Variants in ARRB1 observed in about 807,000 individuals in gnomAD.
ARRB1 encodes the protein arrestin beta 1.
In ARRB1, 21 loss-of-function variants were observed where a neutral mutation model predicts 56.8. That is an observed-to-expected ratio of 0.37 (90% CI 0.26 to 0.53). The LOEUF is 0.53. Among genes scored for constraint, ARRB1 ranks in the 20% least tolerant of loss-of-function variants. The pLI, the probability that ARRB1 is intolerant of heterozygous loss-of-function variation, is 0.88. For missense variants in ARRB1, 424 were observed against 553.7 expected, an observed-to-expected ratio of 0.77 and a Z score of 2.35; for synonymous variants, 210 against 218.6, an observed-to-expected ratio of 0.96 and a Z score of 0.35.
chr11:75,283,157 G>T, intron 5 of ARRB1, 130 bp downstream of exon 5: 1 of 962,790 alleles, frequency 1.0e-6, no homozygotes, highest in Non-Finnish European at 1.5e-6. Flanking sequence ...CAGTGCCCCA[G>T]GTCCCAGCAT....
intron 14 of ARRB1, 59 bp downstream of exon 14, chr11:75,268,830 A>G (rs1946003675): frequency 6.4e-7 from 1 of 1,573,660 alleles, no homozygotes; most frequent in African/African-American, 1.4e-5. Flanking sequence ...GGTGGGTTAC[A>G]GGGTCACGTG....
chr11:75,310,353 C>T (rs903942312), intron 1 of ARRB1, among the ~76,000 whole-genome samples: 1 of 152,144 alleles, frequency 6.6e-6, no homozygotes, highest in African/African-American at 2.4e-5. Context: ...GCACTGGGAA[C>T]ACCAAGGGGA....
intron 6 of ARRB1, 74 bp downstream of exon 6, chr11:75,281,888 C>A: frequency 6.7e-7 from 1 of 1,500,536 alleles, no homozygotes; most frequent in East Asian, 2.3e-5. Context: ...CCAGCACCTC[C>A]CAGGGAGAAA....
chr11:75,312,202 G>T (rs772067250), intron 1 of ARRB1: 2 of 1,232,478 alleles, frequency 1.6e-6, no homozygotes, highest in Non-Finnish European at 2.1e-6. Flanking sequence ...CCCAGCAGCC[G>T]TCCCTAGGAA....
chr11:75,290,380 G>T (rs1946579774), intron 1 of ARRB1, among the ~76,000 whole-genome samples: 1 of 152,056 alleles, frequency 6.6e-6, no homozygotes, highest in Non-Finnish European at 1.5e-5. Context: ...TCACCTCCCG[G>T]TGTCACCTCC....
At chr11:75,318,540 A>G (rs972971264) in intron 1 of ARRB1, among the ~76,000 whole-genome samples, 1 of 152,152 alleles carries the variant, frequency 6.6e-6, no homozygotes, top group South Asian at 2.1e-4. Context: ...AAATACAAAA[A>G]TTAGCTGGGC....
chr11:75,272,391 G>C (rs1946091407), intron 12 of ARRB1, among the ~76,000 whole-genome samples: 1 of 152,206 alleles, frequency 6.6e-6, no homozygotes, highest in South Asian at 2.1e-4. Flanking sequence ...TTCAGGCAAT[G>C]TTTGGGGCAC....
At chr11:75,290,201 A>G (rs562660518) in intron 1 of ARRB1, among the ~76,000 whole-genome samples, 162 bp from the exon 2 acceptor site, 2 of 152,336 alleles carry the variant, frequency 1.3e-5, no homozygotes, top group African/African-American at 4.8e-5. Context: ...CGCTCTTACC[A>G]TCTCCACTGG....
chr11:75,298,318 C>T (rs1946813008), intron 1 of ARRB1, among the ~76,000 whole-genome samples: 1 of 151,274 alleles, frequency 6.6e-6, no homozygotes, highest in Admixed American at 6.6e-5. Flanking sequence ...TCCTAATAGC[C>T]AGGATATATA....
chr11:75,318,689 CAA>C (rs1002536870), intron 1 of ARRB1, among the ~76,000 whole-genome samples: 1 of 140,100 alleles, frequency 7.1e-6, no homozygotes, highest in African/African-American at 2.6e-5. Flanking sequence ...GACTCTGTCT[CAA>C]AAAAAAAAAG....
At chr11:75,271,519 G>T in intron 13 of ARRB1, 182 bp downstream of exon 13, 1 of 601,066 alleles carries the variant, frequency 1.7e-6, no homozygotes, top group Non-Finnish European at 2.8e-6. Flanking sequence ...AGGTGGGATG[G>T]AAGAGCAAGG....
intron 1 of ARRB1, among the ~76,000 whole-genome samples, chr11:75,330,262 A>G (rs1347470656): frequency 2.1e-5 from 3 of 145,250 alleles, no homozygotes; most frequent in Non-Finnish European, 4.5e-5. Flanking sequence ...CAGGGACTCT[A>G]CTTGGGTAAT....
rs1945815494 is a variant in ARRB1 at position 75,262,427 on chromosome 11, G to A, written c.*3736C>T. On this transcript the variant is annotated 3_prime_UTR_variant, in exon 16 of 16. Transcript: ENST00000420843. ...GAATTGTATCTAAATTTCCCTCTCA[G>A]CTGGGTCATCAAAGCCAAATTGGCT... The A allele has an allele frequency of 6.6e-6, 1 of 152,260 alleles. No individual in the cohort carries two copies. Among genetic ancestry groups the A allele is most frequent in the Non-Finnish European group, 1.5e-5 (1 of 68,050 alleles). 9.4% of individuals were successfully genotyped at this position (152,260 alleles called of 1,614,324 possible). A position where few individuals can be genotyped will look rare whatever the true frequency, so the allele number is the denominator to read the frequency against.
chr11:75,349,893 G>A (rs919681601), intron 1 of ARRB1, among the ~76,000 whole-genome samples: 1 of 152,246 alleles, frequency 6.6e-6, no homozygotes, highest in African/African-American at 2.4e-5. Context: ...GCCCATGAGG[G>A]GCCTGGCAGT....
intron 1 of ARRB1, among the ~76,000 whole-genome samples, chr11:75,311,515 G>A (rs4945006): frequency 6.6e-6 from 1 of 152,138 alleles, no homozygotes; most frequent in South Asian, 2.1e-4. Flanking sequence ...AGAAGAGAAC[G>A]TTAAAGGAAC....
At chr11:75,286,973 C>T (rs1946493182) in intron 3 of ARRB1, among the ~76,000 whole-genome samples, 1 of 152,188 alleles carries the variant, frequency 6.6e-6, no homozygotes, top group African/African-American at 2.4e-5. Context: ...GTGCCTCATT[C>T]TCCTTGTCTG....
At chr11:75,302,715 G>C (rs546659527) in intron 1 of ARRB1, among the ~76,000 whole-genome samples, 1 of 152,308 alleles carries the variant, frequency 6.6e-6, no homozygotes, top group South Asian at 2.1e-4. Context: ...GCTGGGGATA[G>C]GTGTAAAAAC....
chr11:75,294,298 T>C (rs1685812170), intron 1 of ARRB1, among the ~76,000 whole-genome samples: 1 of 152,104 alleles, frequency 6.6e-6, no homozygotes, highest in African/African-American at 2.4e-5. Context: ...CCCAGCACTT[T>C]GGGATCATGC....
intron 1 of ARRB1, among the ~76,000 whole-genome samples, chr11:75,339,732 T>C (rs1020469238): frequency 2.6e-5 from 4 of 152,162 alleles, no homozygotes; most frequent in African/African-American, 9.7e-5. Context: ...CCAATACATC[T>C]GAGCAGCATG....
Sources: gnomAD v4.1 joint callset for allele counts (sites outside exome capture counted in the v4.1 genomes callset) on GRCh38, gnomAD v4.1.1 for gene constraint, MANE v1.5 for transcripts, NCBI Gene and HGNC (gene_info 2026-07-23, HGNC 2026-07-21) for gene names.